The following XIRP2 variants were observed in gnomAD, a reference collection of about 807,000 sequenced individuals.
XIRP2 encodes the protein xin actin-binding repeat-containing protein 2.
A neutral mutation model predicts 277.0 loss-of-function variants in XIRP2; 236 were observed. The ratio of observed to expected loss-of-function variants is 0.85; its 90% CI spans 0.77 to 0.95. XIRP2 has a LOEUF of 0.95. Among genes scored for constraint, XIRP2 ranks in the 40% least tolerant of loss-of-function variants. XIRP2 has a pLI of 0.00. For missense variants in XIRP2, 4,640 were observed against 4,157.5 expected (o/e 1.12, Z -3.19); for synonymous variants, 1,490 against 1,416.5 (o/e 1.05, Z -1.17).
intron 2 of XIRP2, among the ~76,000 whole-genome samples, chr2:167,128,277 A>G (rs1214687825): frequency 6.6e-6 from 1 of 152,180 alleles, no homozygotes; most frequent in Non-Finnish European, 1.5e-5. Flanking sequence ...ATTCCTTATT[A>G]CATTTACTAC....
At chr2:167,175,906 T>A (rs867089315) in intron 3 of XIRP2, among the ~76,000 whole-genome samples, 35 of 152,310 alleles carry the variant, frequency 2.3e-4, no homozygotes, top group African/African-American at 7.9e-4. Context: ...CCAGCGGCTT[T>A]GTTTACCCTG....
chr2:166,964,184 G>A (rs909438327), intron 2 of XIRP2, among the ~76,000 whole-genome samples: 13 of 151,860 alleles, frequency 8.6e-5, no homozygotes, highest in African/African-American at 2.9e-4. Context: ...AAAATTAATT[G>A]GGACTTGAAT....
intron 2 of XIRP2, among the ~76,000 whole-genome samples, chr2:166,924,404 C>CA (rs1308406385): frequency 2.0e-5 from 3 of 152,000 alleles, no homozygotes. Flanking sequence ...GGTTAGGCTT[C>CA]AAACCAAGGA....
intron 3 of XIRP2, among the ~76,000 whole-genome samples, chr2:167,142,415 G>A (rs1214473042): frequency 6.6e-6 from 1 of 152,010 alleles, no homozygotes; most frequent in South Asian, 2.1e-4. Context: ...GGGCATAGTG[G>A]CATGCACCTG....
intron 2 of XIRP2, among the ~76,000 whole-genome samples, chr2:166,973,849 G>T (rs1373662557): frequency 6.6e-6 from 1 of 152,120 alleles, no homozygotes; most frequent in Non-Finnish European, 1.5e-5. Context: ...ATAGATAGAT[G>T]ATTCCATTAA....
chr2:167,244,658 G>A lies in XIRP2; in HGVS notation c.3266G>A (p.Gly1089Glu). The A allele has an allele frequency of 6.2e-7, 1 of 1,613,424 alleles. No individual in the cohort carries two copies. The highest frequency in any genetic ancestry group is 8.5e-7 in the Non-Finnish European group (1 of 1,179,684). The change falls in exon 9 of 11, where the codon GGG (glycine) becomes GAG (glutamate). Residue 1089 changes from glycine to glutamate, a missense_variant. Transcript: ENST00000409195. ...GAACAAACTAGAGATATTGTTAAAGGGGATGTCAAAACCTGTAAATGGCTT... is the reference window on the plus strand; with the variant it reads ...GAACAAACTAGAGATATTGTTAAAGAGGATGTCAAAACCTGTAAATGGCTT... ...KTEQTRDIVK[G>E]DVKTCKWLFE...
At chr2:167,236,286 G>C (rs1694897313) in intron 5 of XIRP2, among the ~76,000 whole-genome samples, 1 of 151,618 alleles carries the variant, frequency 6.6e-6, no homozygotes, top group African/African-American at 2.4e-5. Context: ...CTTACTCATT[G>C]CACTAGAATG....
chr2:167,192,683 C>G (rs1273406543), intron 3 of XIRP2, among the ~76,000 whole-genome samples: 1 of 152,122 alleles, frequency 6.6e-6, no homozygotes, highest in Non-Finnish European at 1.5e-5. Context: ...AATCCACCAC[C>G]TCTGCTTCTG....
At chr2:167,153,565 C>A (rs1001816757) in intron 3 of XIRP2, among the ~76,000 whole-genome samples, 13 of 151,934 alleles carry the variant, frequency 8.6e-5, no homozygotes, top group Non-Finnish European at 2.9e-5. Flanking sequence ...CCACTCCCCC[C>A]ACCCCACAAC....
At chr2:167,000,772 A>G (rs997523617) in intron 2 of XIRP2, among the ~76,000 whole-genome samples, 2 of 152,134 alleles carry the variant, frequency 1.3e-5, no homozygotes, top group African/African-American at 4.8e-5. Flanking sequence ...ACATTGGGAC[A>G]TTACTGTGCA....
At chr2:167,111,455 T>G (rs941323621) in intron 2 of XIRP2, among the ~76,000 whole-genome samples, 2 of 152,222 alleles carry the variant, frequency 1.3e-5, no homozygotes, top group African/African-American at 4.8e-5. Flanking sequence ...TTTTTAGTTT[T>G]GTTGGTGTGC....
chr2:167,037,392 C>T (rs1688536951), intron 2 of XIRP2, among the ~76,000 whole-genome samples: 1 of 152,044 alleles, frequency 6.6e-6, no homozygotes, highest in South Asian at 2.1e-4. Context: ...TAGCAACTCT[C>T]TCTCATTCCT....
intron 2 of XIRP2, among the ~76,000 whole-genome samples, chr2:166,988,036 A>T (rs1687055987): frequency 6.6e-6 from 1 of 152,210 alleles, no homozygotes; most frequent in African/African-American, 2.4e-5. Flanking sequence ...AGAGACACTG[A>T]TGTATTTAAC....
intron 2 of XIRP2, among the ~76,000 whole-genome samples, chr2:167,068,351 C>T (rs1285219480): frequency 6.6e-6 from 1 of 152,106 alleles, no homozygotes; most frequent in Non-Finnish European, 1.5e-5. Context: ...TAAAACCTTC[C>T]TCAGCCAACA....
intron 3 of XIRP2, among the ~76,000 whole-genome samples, chr2:167,197,245 T>C (rs1452492312): frequency 1.3e-5 from 2 of 152,208 alleles, no homozygotes; most frequent in Non-Finnish European, 2.9e-5. Flanking sequence ...AACTTCTCAA[T>C]GTTGCTTAAT....
At chr2:167,026,543 C>T (rs933486946) in intron 2 of XIRP2, among the ~76,000 whole-genome samples, 2 of 152,118 alleles carry the variant, frequency 1.3e-5, no homozygotes, top group South Asian at 4.1e-4. Context: ...CAGTTTCTTC[C>T]TAGCCTAGAT....
At chr2:167,092,929 A>G (rs916170012) in intron 2 of XIRP2, among the ~76,000 whole-genome samples, 1 of 152,274 alleles carries the variant, frequency 6.6e-6, no homozygotes. Context: ...ACATCTGCTT[A>G]TATGTGGTAC....
intron 2 of XIRP2, among the ~76,000 whole-genome samples, chr2:166,929,578 T>C (rs759221590): frequency 1.3e-5 from 2 of 152,164 alleles, no homozygotes; most frequent in Non-Finnish European, 2.9e-5. Flanking sequence ...GTGATTATAA[T>C]ATTGTTGCAG....
intron 2 of XIRP2, among the ~76,000 whole-genome samples, chr2:166,929,853 CT>C (rs1414686659): frequency 2.0e-5 from 3 of 152,052 alleles, no homozygotes; most frequent in African/African-American, 7.2e-5. Flanking sequence ...TGCATTCACG[CT>C]TTTGACAGGA....
Sources: gnomAD v4.1 joint callset for allele counts (sites outside exome capture counted in the v4.1 genomes callset) on GRCh38, gnomAD v4.1.1 for gene constraint, MANE v1.5 for transcripts, NCBI Gene and HGNC (gene_info 2026-07-23, HGNC 2026-07-21) for gene names.